Variants in GHRH observed in about 807,000 individuals in gnomAD.
GHRH encodes the protein somatoliberin.
Under a neutral mutation model 15.6 loss-of-function variants are expected in GHRH, and 7 were observed. The observed-to-expected ratio is 0.45, with a 90% CI of 0.26 to 0.84. The LOEUF is 0.84. Ranked by LOEUF, GHRH falls within the 40% of genes least tolerant of loss-of-function variation. The pLI, the probability that GHRH is intolerant of heterozygous loss-of-function variation, is 0.18. For synonymous variants in GHRH, 54 were observed against 50.4 expected (o/e 1.07, Z -0.30); for missense variants, 117 against 138.0 (o/e 0.85, Z 0.76).
At chr20:37,261,253 T>G (rs2068685296) in intron 1 of GHRH, among the ~76,000 whole-genome samples, 1 of 152,148 alleles carries the variant, frequency 6.6e-6, no homozygotes, top group South Asian at 2.1e-4. Context: ...TAATTGTGTC[T>G]AAAACCTGGA....
intron 3 of GHRH, among the ~76,000 whole-genome samples, chr20:37,256,115 A>G (rs2068654411): frequency 6.6e-6 from 1 of 152,190 alleles, no homozygotes; most frequent in Non-Finnish European, 1.5e-5. Context: ...GTGTCTGTAA[A>G]TGTCCTAGGG....
Position 37,256,797 on chromosome 20 carries a change from G to T in GHRH, c.83+10C>A. On this transcript the variant is annotated intron_variant, in intron 2 of 4. Coordinates refer to ENST00000373614, the MANE Select transcript of GHRH (RefSeq NM_021081.6). ...GGGAGTGGTGGGAACTTTCCCCAGGGTCTGCTTACCTGAGGGTCAAAGGGG... is the reference window on the plus strand; with the variant it reads ...GGGAGTGGTGGGAACTTTCCCCAGGTTCTGCTTACCTGAGGGTCAAAGGGG... 5.6e-6 allele frequency: 9 copies of T among 1,604,484 alleles called. No homozygotes were observed. Among genetic ancestry groups the T allele is most frequent in the Non-Finnish European group, 7.7e-6 (9 of 1,173,298 alleles).
intron 1 of GHRH, among the ~76,000 whole-genome samples, chr20:37,257,374 G>A (rs2068663480): frequency 6.6e-6 from 1 of 152,038 alleles, no homozygotes; most frequent in South Asian, 2.1e-4. Context: ...AATAAGACAG[G>A]AGTGGTGGCG....
intron 1 of GHRH, 59 bp from the exon 2 acceptor site, chr20:37,256,967 C>A: frequency 9.5e-7 from 1 of 1,050,450 alleles, no homozygotes; most frequent in East Asian, 2.5e-5. Context: ...ATGGCCTTCA[C>A]TGGCCCAGCC....
At chr20:37,253,243 C>T (rs959401270) in intron 4 of GHRH, among the ~76,000 whole-genome samples, 37 of 152,174 alleles carry the variant, frequency 2.4e-4, no homozygotes, top group African/African-American at 7.7e-4. Flanking sequence ...CCAGGAGAAA[C>T]GTGAGGGCCA....
At chr20:37,260,415 C>A (rs377089976) in intron 1 of GHRH, among the ~76,000 whole-genome samples, 2 of 148,792 alleles carry the variant, frequency 1.3e-5, no homozygotes, top group South Asian at 2.1e-4. Flanking sequence ...AAAAAACACA[C>A]AAAACAAAAC....
At chr20:37,259,143 G>A (rs1056060736) in intron 1 of GHRH, among the ~76,000 whole-genome samples, 2 of 152,166 alleles carry the variant, frequency 1.3e-5, no homozygotes, top group African/African-American at 4.8e-5. Context: ...AAGGACTGGG[G>A]CTAGAGAAAA....
intron 4 of GHRH, among the ~76,000 whole-genome samples, chr20:37,253,087 C>T (rs536336787): frequency 1.8e-4 from 28 of 152,326 alleles, no homozygotes; most frequent in African/African-American, 6.3e-4. Context: ...CAAACAACCA[C>T]GACATTTTTG....
chr20:37,260,085 T>C (rs2068679803), intron 1 of GHRH, among the ~76,000 whole-genome samples: 1 of 152,138 alleles, frequency 6.6e-6, no homozygotes. Flanking sequence ...AACAACCTCA[T>C]AGGAGGGCAG....
chr20:37,251,845 T>C (rs758082434), intron 4 of GHRH, among the ~76,000 whole-genome samples: 2 of 152,258 alleles, frequency 1.3e-5, no homozygotes, highest in Admixed American at 6.5e-5. Flanking sequence ...CAGGAACTTA[T>C]TCCTGCTCAC....
At position 37,254,253 on chromosome 20, in the gene GHRH, T is replaced by C; in HGVS notation, c.265A>G (p.Met89Val). ...VDSMWAEQKQ[M>V]ELESILVALL... Reference sequence around the variant, plus strand: ...GCCACCAGGATGCTCTCCAATTCCATTTGCTTTTGTTCTGCCCACATGCTG... The same window carrying C: ...GCCACCAGGATGCTCTCCAATTCCACTTGCTTTTGTTCTGCCCACATGCTG... The change falls in exon 4 of 5, where the codon ATG becomes GTG. Residue 89 changes from methionine (M) to valine (V), a missense_variant. Physicochemically the swap from Met to Val is conservative, Grantham distance 21 (BLOSUM62 1). Transcript: ENST00000373614. 1 of 1,614,202 alleles carries C rather than the reference T, an allele frequency of 6.2e-7. No homozygotes were observed. The highest frequency in any genetic ancestry group is 8.5e-7 in the Non-Finnish European group (1 of 1,180,020).
intron 4 of GHRH, 107 bp downstream of exon 4, chr20:37,254,103 C>G: frequency 1.7e-6 from 2 of 1,185,290 alleles, no homozygotes; most frequent in South Asian, 2.7e-5. Context: ...GTTTGTTTGG[C>G]AGAGCCCCAT....
At chr20:37,260,137 G>A (rs1464968722) in intron 1 of GHRH, among the ~76,000 whole-genome samples, 1 of 151,990 alleles carries the variant, frequency 6.6e-6, no homozygotes, top group Non-Finnish European at 1.5e-5. Flanking sequence ...ACAATACCCC[G>A]CTCATTCAAG....
chr20:37,260,804 A>G lies in GHRH; in HGVS notation c.-20+939T>C, dbSNP rs7262327. On this transcript the variant is annotated intron_variant, in intron 1 of 4. Coordinates refer to ENST00000373614, the MANE Select transcript of GHRH (RefSeq NM_021081.6). The stretch of plus-strand genomic sequence containing the variant: ...GATGTACTTGAGATTGCCTGGATTC[A>G]GGATAAACGGGCACTTGATCTACAT... Among the ~76,000 whole-genome samples, 1,366 of 152,294 alleles carry G rather than the reference A, an allele frequency of 9.0e-3. 16 individuals are homozygous for G. The highest frequency in any genetic ancestry group is 0.032 in the African/African-American group (1,315 of 41,546).
chr20:37,258,968 G>A lies in GHRH; in HGVS notation c.-19-2060C>T, dbSNP rs909494266. Reference sequence around the variant, plus strand: ...TTGCCGAGGCTGGTTTCAAACCCCCGGGCTTAAGTGATCCCCCCGCCTCAG... The same window carrying A: ...TTGCCGAGGCTGGTTTCAAACCCCCAGGCTTAAGTGATCCCCCCGCCTCAG... On this transcript the variant is annotated intron_variant, in intron 1 of 4. Coordinates refer to ENST00000373614, the MANE Select transcript of GHRH (RefSeq NM_021081.6). The surrounding 1 kb of genome is among the most constrained non-coding windows in gnomAD (Gnocchi z 4.1). Among the ~76,000 whole-genome samples the A allele has an allele frequency of 2.0e-5, 3 of 152,090 alleles. No homozygotes were observed. The highest frequency in any genetic ancestry group is 7.2e-5 in the African/African-American group (3 of 41,438).
chr20:37,260,084 A>T (rs1468838900), intron 1 of GHRH, among the ~76,000 whole-genome samples: 2 of 152,172 alleles, frequency 1.3e-5, no homozygotes, highest in Non-Finnish European at 2.9e-5. Context: ...AAACAACCTC[A>T]TAGGAGGGCA....
chr20:37,254,042 C>T (rs1339889427), intron 4 of GHRH, among the ~76,000 whole-genome samples, 168 bp downstream of exon 4: 3 of 152,248 alleles, frequency 2.0e-5, no homozygotes, highest in Non-Finnish European at 4.4e-5. Context: ...AGCCACCATA[C>T]CCAGCCACTC....
intron 2 of GHRH, 45 bp downstream of exon 2, chr20:37,256,761 AG>A (rs769828250): frequency 5.5e-6 from 8 of 1,458,340 alleles, no homozygotes; most frequent in African/African-American, 1.4e-5. Flanking sequence ...GCCCCATGGC[AG>A]GGATGGCTTG....
In GHRH at chr20:37,251,190, A is replaced by G. The variant is rs1370344131; in HGVS notation, c.*23T>C. 6.3e-7 allele frequency: 1 copy of G among 1,581,830 alleles called. No homozygotes were observed. ...ATCCAGTTGCATTTTGGCTACAGGT[A>G]GCCCGGGTCACAGGAGGAATCTTCA... On this transcript the variant is annotated 3_prime_UTR_variant, in exon 5 of 5. Coordinates refer to ENST00000373614, the MANE Select transcript of GHRH (RefSeq NM_021081.6).
Sources: allele counts gnomAD v4.1 joint callset (sites outside exome capture counted in the v4.1 genomes callset), GRCh38; gene constraint gnomAD v4.1.1; non-coding constraint Gnocchi (gnomAD v3.1); transcripts MANE v1.5; gene names NCBI Gene and HGNC (gene_info 2026-07-23, HGNC 2026-07-21).